KLHL3: variants seen among roughly 807,000 people sequenced by gnomAD.
KLHL3 encodes kelch like family member 3.
A neutral mutation model predicts 70.5 loss-of-function variants in KLHL3; 19 were observed. The ratio of observed to expected loss-of-function variants is 0.27; its 90% confidence interval spans 0.19 to 0.40. The LOEUF (loss-of-function observed/expected upper bound fraction) is 0.40, where lower values mean the gene tolerates loss of function less well. KLHL3 is among the 10% of genes least tolerant of loss of function. The pLI is 1.00. For missense variants in KLHL3, 512 were observed against 771.1 expected, an observed-to-expected ratio of 0.66 and a Z score of 3.98; for synonymous variants, 258 against 290.3, an observed-to-expected ratio of 0.89 and a Z score of 1.13.
At chr5:137,674,796 G>T (rs1025252106) in intron 6 of KLHL3, among the ~76,000 whole-genome samples, 4 of 152,300 alleles carry the variant, frequency 2.6e-5, no homozygotes, top group Admixed American at 2.6e-4. Context: ...AGGTTATTAT[G>T]CATGCAAGAG....
chr5:137,664,177 C>A (rs2149899288), intron 6 of KLHL3, among the ~76,000 whole-genome samples: 1 of 151,734 alleles, frequency 6.6e-6, no homozygotes, highest in African/African-American at 2.4e-5. Context: ...CATGGCAAAA[C>A]CCTATCTCTA....
chr5:137,725,751 T>G (rs1269994388), intron 1 of KLHL3, among the ~76,000 whole-genome samples: 1 of 152,214 alleles, frequency 6.6e-6, no homozygotes, highest in Non-Finnish European at 1.5e-5. Context: ...TTAATTAATT[T>G]CCACACTGGC....
chr5:137,670,953 A>AC (rs35587825), intron 6 of KLHL3, among the ~76,000 whole-genome samples: 59,742 of 146,914 alleles, frequency 0.41, 12,476 homozygotes, highest in African/African-American at 0.47. Flanking sequence ...AGCCTGGGCA[A>AC]AGAGCGAGAC....
At chr5:137,705,106 C>G (rs187962890) in intron 3 of KLHL3, among the ~76,000 whole-genome samples, 26 of 152,348 alleles carry the variant, frequency 1.7e-4, no homozygotes, top group African/African-American at 6.3e-4. Context: ...TGCAACCTCC[C>G]TGAAGGCCCA....
intron 12 of KLHL3, among the ~76,000 whole-genome samples, chr5:137,631,933 A>G (rs1169833404): frequency 1.5e-5 from 1 of 65,068 alleles, no homozygotes; most frequent in East Asian, 8.6e-4. Context: ...GCAAAATGAA[A>G]GGAGGAGGAG....
chr5:137,677,588 C>A lies in KLHL3; in HGVS notation c.593G>T (p.Ser198Ile), dbSNP rs752220407. 1.2e-6 allele frequency: 2 copies of A among 1,610,480 alleles called. No homozygotes were observed. Among genetic ancestry groups the A allele is most frequent in the Non-Finnish European group, 1.7e-6 (2 of 1,178,380 alleles). Residue 198 changes from serine (S) to isoleucine (I), a missense_variant, in exon 6 of 15, where the codon AGC becomes ATC. Ser to Ile is a moderately radical substitution (Grantham distance 142). Coordinates refer to ENST00000309755, the MANE Select transcript of KLHL3 (RefSeq NM_017415.3). The part of the protein sequence containing the change: ...FLSLSLDQVC[S>I]LISSDKLTVS... ...GGTCAGCTTGTCGCTGGATATCAAG[C>A]TGCACACCTGGTCCAGACTCAGGCT... is the stretch of plus-strand genomic sequence containing the variant.
At chr5:137,716,171 G>C (rs774231846) in intron 2 of KLHL3, among the ~76,000 whole-genome samples, 10 of 150,524 alleles carry the variant, frequency 6.6e-5, no homozygotes, top group Admixed American at 1.3e-4. Flanking sequence ...TAATGACATA[G>C]AAAAATGTGT....
At chr5:137,733,387 A>T (rs1252896536) in intron 1 of KLHL3, among the ~76,000 whole-genome samples, 1 of 152,220 alleles carries the variant, frequency 6.6e-6, no homozygotes, top group South Asian at 2.1e-4. Flanking sequence ...GTTATTAGCT[A>T]ATCAGCTAAT....
At chr5:137,626,122 C>A (rs1313148991) in intron 13 of KLHL3, among the ~76,000 whole-genome samples, 1 of 152,210 alleles carries the variant, frequency 6.6e-6, no homozygotes, top group South Asian at 2.1e-4. Context: ...TTTCTCTGAC[C>A]AGGGAGTTTT....
chr5:137,720,426 G>C (rs981725880), intron 2 of KLHL3, 39 bp downstream of exon 2: 2 of 1,613,190 alleles, frequency 1.2e-6, no homozygotes, highest in African/African-American at 1.3e-5. Context: ...TCATGGACAA[G>C]TTCCTTCTGC....
At position 137,618,731 on chromosome 5, in the gene KLHL3, C is replaced by T. The variant is rs1580708214; in HGVS notation, c.*3367G>A. On this transcript the variant is annotated 3_prime_UTR_variant, in exon 15 of 15. Transcript: ENST00000309755. ...CAGTGGGAGCCACCACGAGACAGCC[C>T]GGCCTCACCCCCACAGAAAGCAGAC... 1 of 150,266 alleles carries T rather than the reference C, an allele frequency of 6.7e-6. No homozygotes were observed. Among genetic ancestry groups the T allele is most frequent in the African/African-American group, 2.5e-5 (1 of 40,740 alleles). The allele number at this position is 150,266 out of a possible 1,614,324, so 9.3% of individuals were successfully genotyped here.
At chr5:137,705,561 A>C (rs1032483001) in intron 3 of KLHL3, among the ~76,000 whole-genome samples, 1 of 152,252 alleles carries the variant, frequency 6.6e-6, no homozygotes, top group African/African-American at 2.4e-5. Flanking sequence ...CAGCCACTAC[A>C]TACAGTACAA....
chr5:137,662,081 C>G (rs1314100903), intron 6 of KLHL3, 50 bp from the exon 7 acceptor site: 1 of 590,316 alleles, frequency 1.7e-6, no homozygotes, highest in South Asian at 2.2e-5. Flanking sequence ...CAAAAGCTTT[C>G]AAACAACCCT....
In KLHL3 at chr5:137,634,096, T is replaced by C. The variant is rs1750710211; in HGVS notation, c.1391A>G (p.Asn464Ser). 6.2e-7 allele frequency: 1 copy of C among 1,614,058 alleles called. No individual in the cohort carries two copies. Among genetic ancestry groups the C allele is most frequent in the Admixed American group, 1.7e-5 (1 of 60,010 alleles). The change falls in exon 12 of 15, where the codon AAC becomes AGC. Residue 464 changes from asparagine to serine, a missense_variant. Physicochemically the swap from Asn to Ser is conservative, Grantham distance 46. Transcript: ENST00000309755. Reference sequence around the variant, plus strand: ...GTATATCCATTCATTGGTCGCTGGGTTGTACTGCTCCACAGTGCTCAGACA... The same window carrying C: ...GTATATCCATTCATTGGTCGCTGGGCTGTACTGCTCCACAGTGCTCAGACA... The part of the protein sequence containing the change: ...RQCLSTVEQY[N>S]PATNEWIYVA...
rs1294595186 is a variant in KLHL3 at position 137,638,960 on chromosome 5, G to T, written c.1212C>A (p.Gly404=). ...AACACACCCTAAACCTACCAGTACT[G>T]CCATCAAAGCCTCCCACTGCGTAGA... ...DLLYAVGGFD[G]STGLASVEAY... The change falls in exon 10 of 15, where the codon GGC becomes GGA. Residue 404 remains glycine, a synonymous_variant. Transcript: ENST00000309755. 1 of 1,614,014 alleles carries T rather than the reference G, an allele frequency of 6.2e-7. No homozygotes were observed. Among genetic ancestry groups the T allele is most frequent in the East Asian group, 2.2e-5 (1 of 44,874 alleles).
At position 137,715,362 on chromosome 5, in the gene KLHL3, A is replaced by G. The variant is rs143975565; in HGVS notation, c.134+5103T>C. 4.9e-4 allele frequency among the ~76,000 whole-genome samples: 75 copies of G among 152,340 alleles called. 1 individual carries two copies. In the East Asian group the frequency reaches 0.014, roughly 28 times the overall value. ...TCCCTGGAATATCATGTAACATTTC[A>G]TTAGCTTAACCCCTGGATGGCAAGA... is the stretch of plus-strand genomic sequence containing the variant. On this transcript the variant is annotated intron_variant, in intron 2 of 14. Coordinates refer to ENST00000309755, the MANE Select transcript of KLHL3 (RefSeq NM_017415.3).
At chr5:137,694,546 C>T (rs1045067955) in intron 4 of KLHL3, among the ~76,000 whole-genome samples, 1 of 152,188 alleles carries the variant, frequency 6.6e-6, no homozygotes, top group Non-Finnish European at 1.5e-5. Context: ...AGATTAGTCT[C>T]TGCCTGCTAG....
At chr5:137,645,276 C>T (rs1400727485) in intron 8 of KLHL3, among the ~76,000 whole-genome samples, 1 of 152,202 alleles carries the variant, frequency 6.6e-6, no homozygotes, top group Non-Finnish European at 1.5e-5. Flanking sequence ...CCCACTTTCT[C>T]CACTTCTATC....
chr5:137,728,400 G>A (rs1046374963), intron 1 of KLHL3, among the ~76,000 whole-genome samples: 2 of 152,146 alleles, frequency 1.3e-5, no homozygotes, highest in African/African-American at 4.8e-5. Context: ...GACCACTGTA[G>A]CTTTCCTCAC....
Sources: gnomAD v4.1 joint callset for allele counts (sites outside exome capture counted in the v4.1 genomes callset) on GRCh38, gnomAD v4.1.1 for gene constraint, MANE v1.5 for transcripts, NCBI Gene and HGNC (gene_info 2026-07-23, HGNC 2026-07-21) for gene names.